TRIM2: variants seen among roughly 807,000 people sequenced by gnomAD.
TRIM2 encodes the protein tripartite motif-containing protein 2.
TRIM2 carries 20 observed loss-of-function variants against 75.2 expected under a neutral mutation model. The ratio of observed to expected loss-of-function variants is 0.27; its 90% CI spans 0.19 to 0.39. The LOEUF is 0.39. TRIM2 is among the 10% of genes least tolerant of loss of function. The pLI, the probability that TRIM2 is intolerant of heterozygous loss-of-function variation, is 1.00. For missense variants in TRIM2, 660 were observed against 990.8 expected (o/e 0.67, Z 4.48); for synonymous variants, 373 against 388.3 (o/e 0.96, Z 0.46).
intron 1 of TRIM2, among the ~76,000 whole-genome samples, chr4:153,206,352 C>T (rs1473505306): frequency 6.6e-6 from 1 of 152,198 alleles, no homozygotes; most frequent in Non-Finnish European, 1.5e-5. Flanking sequence ...TGCTGTAAGT[C>T]AGAGATTGAC....
chr4:153,335,058 A>G lies in TRIM2; in HGVS notation c.*92A>G. On this transcript the variant is annotated 3_prime_UTR_variant, in exon 12 of 12. Transcript: ENST00000338700. The stretch of plus-strand genomic sequence containing the variant: ...GGACCAGATTATGACTAGAGTTTTT[A>G]TGCCAGAAGGAATCATTGGTGAACT... The G allele has an allele frequency of 1.5e-6, 2 of 1,339,060 alleles. No homozygotes were observed. Among genetic ancestry groups the G allele is most frequent in the Non-Finnish European group, 1.9e-6 (2 of 1,032,418 alleles). 82.9% of individuals were successfully genotyped at this position (1,339,060 alleles called of 1,614,324 possible).
At chr4:153,328,070 A>C (rs1193262835) in intron 10 of TRIM2, among the ~76,000 whole-genome samples, 2 of 152,222 alleles carry the variant, frequency 1.3e-5, no homozygotes, top group Non-Finnish European at 2.9e-5. Context: ...TAAAATGATA[A>C]TAAATTCTGA....
intron 1 of TRIM2, among the ~76,000 whole-genome samples, chr4:153,184,078 G>T (rs1384746572): frequency 1.3e-5 from 2 of 152,178 alleles, no homozygotes; most frequent in Non-Finnish European, 2.9e-5. Flanking sequence ...TTCCTGAAGG[G>T]CATGGGTGAA....
intron 6 of TRIM2, among the ~76,000 whole-genome samples, chr4:153,299,359 A>G (rs1430931155): frequency 6.6e-6 from 1 of 152,140 alleles, no homozygotes; most frequent in African/African-American, 2.4e-5. Flanking sequence ...GTATGTGTAT[A>G]TATATATATA....
intron 1 of TRIM2, among the ~76,000 whole-genome samples, chr4:153,172,897 A>G (rs1017452913): frequency 7.2e-5 from 11 of 152,306 alleles, no homozygotes; most frequent in African/African-American, 2.4e-4. Context: ...AGCCAGAGAA[A>G]CAAGCACACT....
Position 153,295,549 on chromosome 4 carries a change from C to T in TRIM2, c.1023C>T (p.Asn341=). The T allele has an allele frequency of 1.2e-6, 2 of 1,613,384 alleles. No individual in the cohort carries two copies. The highest frequency in any genetic ancestry group is 1.7e-6 in the Non-Finnish European group (2 of 1,179,532). ...AGGGGCTGAAGAAGTCCATCCACAA[C>T]CTCGGGACGATCTTAACCACCAACG... The part of the protein sequence containing the change: ...ETEGLKKSIH[N]LGTILTTNAV... Residue 341 remains asparagine (N), a synonymous_variant, in exon 6 of 12, where the codon AAC becomes AAT. Coordinates refer to ENST00000338700, the MANE Select transcript of TRIM2 (RefSeq NM_015271.5). This position sits in a 1 kb window ranked among gnomAD's most constrained non-coding sequence, Gnocchi z 7.2.
At position 153,324,241 on chromosome 4, in the gene TRIM2, C is replaced by A. The variant is rs1319487915; in HGVS notation, c.2022+93C>A. 8 of 1,066,458 alleles carry A rather than the reference C, an allele frequency of 7.5e-6. No homozygotes were observed. The East Asian group carries it at 7.7e-5, about 10-fold the overall frequency. The allele number at this position is 1,066,458 out of a possible 1,614,324, so 66.1% of individuals were successfully genotyped here. ...ATAATGCAATACTTACATATGGCAC[C>A]AAAGGGAGTTAACCAGCAGAGTAGA... is the stretch of plus-strand genomic sequence containing the variant. On this transcript the variant is annotated intron_variant, in intron 10 of 11. Transcript: ENST00000338700.
intron 8 of TRIM2, among the ~76,000 whole-genome samples, chr4:153,319,209 C>G (rs1427462896): frequency 6.6e-6 from 1 of 152,102 alleles, no homozygotes; most frequent in Non-Finnish European, 1.5e-5. Flanking sequence ...TTTTATTCAC[C>G]AATTTATTAG....
intron 1 of TRIM2, among the ~76,000 whole-genome samples, chr4:153,234,137 G>T (rs531385286): frequency 6.6e-6 from 1 of 152,152 alleles, no homozygotes; most frequent in South Asian, 2.1e-4. Context: ...GAGTCACTGC[G>T]GAAGAGCTAG....
intron 2 of TRIM2, among the ~76,000 whole-genome samples, chr4:153,273,100 G>C (rs1258255815): frequency 6.6e-6 from 1 of 151,980 alleles, no homozygotes; most frequent in Admixed American, 6.6e-5. Flanking sequence ...GCCTCCCAAA[G>C]AGCAGGGATT....
intron 1 of TRIM2, among the ~76,000 whole-genome samples, chr4:153,223,283 C>T (rs1741195028): frequency 6.6e-6 from 1 of 152,178 alleles, no homozygotes; most frequent in South Asian, 2.1e-4. Flanking sequence ...CCGGGAGTCG[C>T]GGACCTCTGC....
At chr4:153,257,811 T>C (rs1267143767) in intron 1 of TRIM2, 4 of 352,012 alleles carry the variant, frequency 1.1e-5, no homozygotes, top group African/African-American at 2.1e-5. Context: ...GCCAGGTGGA[T>C]AACTGATTTC....
At position 153,188,674 on chromosome 4, in the gene TRIM2, A is replaced by G. The variant is rs536193875; in HGVS notation, c.-49+35404A>G. On this transcript the variant is annotated intron_variant, in intron 1 of 11. Coordinates refer to the TRIM2 transcript ENST00000437508. ...GCTGGCACAGTGGCTCATGCCTATAATCCCAGTGCTTTGGGAGGCTGAGGT... is the reference window on the plus strand; with the variant it reads ...GCTGGCACAGTGGCTCATGCCTATAGTCCCAGTGCTTTGGGAGGCTGAGGT... 3.6e-4 allele frequency among the ~76,000 whole-genome samples: 54 copies of G among 151,368 alleles called. No homozygotes were observed. The South Asian group carries it at 0.011, about 31-fold the overall frequency.
chr4:153,316,606 G>C (rs1269625815), intron 8 of TRIM2, among the ~76,000 whole-genome samples: 1 of 152,062 alleles, frequency 6.6e-6, no homozygotes, highest in Non-Finnish European at 1.5e-5. Context: ...AATTTCCAGA[G>C]AAAATGGAAG....
intron 1 of TRIM2, among the ~76,000 whole-genome samples, chr4:153,228,040 C>G (rs1048617572): frequency 2.6e-5 from 4 of 152,178 alleles, no homozygotes; most frequent in Non-Finnish European, 5.9e-5. Context: ...AAGTGAACCT[C>G]TTATGCGAAG....
At chr4:153,257,454 C>T in intron 1 of TRIM2, 1 of 1,239,008 alleles carries the variant, frequency 8.1e-7, no homozygotes, top group Non-Finnish European at 1.0e-6. Flanking sequence ...TGAAGGGGGT[C>T]TTCCACTTGT....
At chr4:153,280,982 C>G (rs138115575) in intron 3 of TRIM2, among the ~76,000 whole-genome samples, 1 of 152,004 alleles carries the variant, frequency 6.6e-6, no homozygotes, top group South Asian at 2.1e-4. Context: ...CCGCGCCCAG[C>G]CTGCAAATTC....
chr4:153,266,078 A>G (rs1754961436), intron 1 of TRIM2, among the ~76,000 whole-genome samples: 1 of 152,300 alleles, frequency 6.6e-6, no homozygotes, highest in South Asian at 2.1e-4. Flanking sequence ...CAGACGTCAT[A>G]CCTATACCGT....
At chr4:153,199,967 A>G, upstream of TRIM2, among the ~76,000 whole-genome samples, 2 of 119,344 alleles carry the variant, frequency 1.7e-5, no homozygotes, top group African/African-American at 3.4e-5. Flanking sequence ...TTTGAGATGG[A>G]GTCTCACTCT....
Sources: gnomAD v4.1 joint callset for allele counts (sites outside exome capture counted in the v4.1 genomes callset) on GRCh38, gnomAD v4.1.1 for gene constraint, Gnocchi (gnomAD v3.1) non-coding constraint, MANE v1.5 for transcripts, NCBI Gene and HGNC (gene_info 2026-07-23, HGNC 2026-07-21) for gene names.